CEP78: variants seen among roughly 807,000 people sequenced by gnomAD.
The protein encoded by CEP78 is centrosomal protein of 78 kDa.
In CEP78, 76 loss-of-function variants were observed where a neutral mutation model predicts 81.2. That is an observed-to-expected ratio of 0.94 (90% CI 0.78 to 1.13). The LOEUF (loss-of-function observed/expected upper bound fraction) is 1.13. Among genes scored for constraint, CEP78 ranks in the 50% most tolerant of loss-of-function variants. CEP78 has a pLI of 0.00. For synonymous variants in CEP78, 293 were observed against 301.4 expected, an observed-to-expected ratio of 0.97 and a Z score of 0.29; for missense variants, 918 against 846.8, an observed-to-expected ratio of 1.08 and a Z score of -1.04.
At chr9:78,241,577 A>G (rs1046253118) in intron 3 of CEP78, 119 bp from the exon 4 acceptor site, 7 of 517,112 alleles carry the variant, frequency 1.4e-5, no homozygotes, top group Non-Finnish European at 2.1e-5. Flanking sequence ...GATTGTAAAT[A>G]GTGATTTTAA....
At chr9:78,244,878 TAGAA>T (rs1056492840) in intron 5 of CEP78, among the ~76,000 whole-genome samples, 2 of 152,214 alleles carry the variant, frequency 1.3e-5, no homozygotes, top group Non-Finnish European at 2.9e-5. Context: ...GGTAAATTCT[TAGAA>T]GGAGAGTTGC....
chr9:78,248,354 A>C lies in CEP78; in HGVS notation c.956A>C (p.Glu319Ala), dbSNP rs781777701. 1 of 1,554,650 alleles carries C rather than the reference A, an allele frequency of 6.4e-7. No individual in the cohort carries two copies. Among genetic ancestry groups the C allele is most frequent in the Non-Finnish European group, 8.9e-7 (1 of 1,126,240 alleles). ...VLQNGRSAKS[E>A]YQWITSPSVK... ...CAGAATGGAAGGAGTGCCAAATCAG[A>C]GGTATATCATGTTTTATTTCTCCAG... Residue 319 changes from glutamate (E) to alanine (A), a missense_variant and splice_region_variant, in exon 7 of 17, where the codon GAG becomes GCG. Glu to Ala is a moderately radical substitution (Grantham distance 107). Transcript: ENST00000643273.
chr9:78,258,312 A>C (rs193013282), intron 11 of CEP78, among the ~76,000 whole-genome samples: 32 of 152,322 alleles, frequency 2.1e-4, no homozygotes, highest in African/African-American at 7.5e-4. Context: ...TCTCTCAAAA[A>C]ACAAACAGCT....
chr9:78,266,840 G>A, intron 16 of CEP78, 137 bp downstream of exon 16: 1 of 1,453,714 alleles, frequency 6.9e-7, no homozygotes, highest in Non-Finnish European at 9.0e-7. Flanking sequence ...TTAAAAGTAG[G>A]TCTTTGAAAA....
intron 1 of CEP78, among the ~76,000 whole-genome samples, chr9:78,238,769 A>G (rs1826081057): frequency 6.6e-6 from 1 of 152,096 alleles, no homozygotes; most frequent in South Asian, 2.1e-4. Context: ...AATATCAGGA[A>G]CCAGGCCAGG....
chr9:78,257,292 G>C (rs1827081487), intron 11 of CEP78, among the ~76,000 whole-genome samples: 2 of 152,116 alleles, frequency 1.3e-5, no homozygotes, highest in Admixed American at 6.6e-5. Context: ...GAATTAGAAA[G>C]ATACCTCCAA....
In CEP78 at chr9:78,265,407, A is replaced by G. The variant is rs1447197729; in HGVS notation, c.1661A>G (p.Gln554Arg). The G allele has an allele frequency of 1.2e-6, 2 of 1,607,216 alleles. No homozygotes were observed. The highest frequency in any genetic ancestry group is 1.7e-6 in the Non-Finnish European group (2 of 1,177,090). The change falls in exon 14 of 17, where the codon CAG becomes CGG. Residue 554 changes from glutamine to arginine, a missense_variant. Transcript: ENST00000643273. Reference protein sequence around the residue: ...GQLATMAGIDQSDFQLLGHPQ... With the variant: ...GQLATMAGIDRSDFQLLGHPQ... ...CTTGCCACAATGGCTGGGATAGATC[A>G]GTCAGATTTTCAATTACTAGGTCAT... is the stretch of plus-strand genomic sequence containing the variant.
In CEP78 at chr9:78,248,318, A is replaced by G. The variant is rs565401483; in HGVS notation, c.920A>G (p.Lys307Arg). The G allele has an allele frequency of 2.5e-6, 4 of 1,581,464 alleles. No homozygotes were observed. Among genetic ancestry groups the G allele is most frequent in the Admixed American group, 1.7e-5 (1 of 59,974 alleles). The change falls in exon 7 of 17, where the codon AAA (lysine) becomes AGA (arginine). Residue 307 changes from lysine (K) to arginine (R), a missense_variant. Transcript: ENST00000643273. ...IDHSMMKAVI[K>R]KVLQNGRSAK... is the part of the protein sequence containing the mutation. ...CATTCTATGATGAAAGCAGTTATCA[A>G]AAAAGTCCTCCAGAATGGAAGGAGT...
chr9:78,240,781 A>G (rs983181956), intron 3 of CEP78, among the ~76,000 whole-genome samples: 13 of 152,114 alleles, frequency 8.5e-5, no homozygotes, highest in Admixed American at 3.3e-4. Flanking sequence ...TAACATGGTG[A>G]AACCCCATCT....
chr9:78,253,519 G>C (rs575810398), intron 10 of CEP78: 66 of 409,002 alleles, frequency 1.6e-4, no homozygotes, highest in Non-Finnish European at 2.9e-4. Flanking sequence ...CCACAAATCA[G>C]CTGTTGCCTC....
At chr9:78,241,859 T>C in intron 4 of CEP78, 60 bp downstream of exon 4, 1 of 947,410 alleles carries the variant, frequency 1.1e-6, no homozygotes, top group African/African-American at 1.6e-5. Context: ...CGTTAATATT[T>C]TGATACAAGA....
intron 6 of CEP78, among the ~76,000 whole-genome samples, chr9:78,247,715 C>G (rs545699511): frequency 6.6e-6 from 1 of 152,092 alleles, no homozygotes; most frequent in Admixed American, 6.6e-5. Flanking sequence ...AGTTAGGAGA[C>G]TCACACTGGT....
chr9:78,250,606 G>T (rs930675099), intron 8 of CEP78, among the ~76,000 whole-genome samples: 2 of 152,082 alleles, frequency 1.3e-5, no homozygotes, highest in Non-Finnish European at 2.9e-5. Flanking sequence ...GGGCGTGGCG[G>T]CGTGCACCTG....
At chr9:78,237,642 G>T (rs777361470) in intron 1 of CEP78, among the ~76,000 whole-genome samples, 15 of 152,148 alleles carry the variant, frequency 9.9e-5, no homozygotes, top group Non-Finnish European at 1.6e-4. Context: ...GAGGGTCCTC[G>T]TTTGTCCTGT....
rs187033948 is a variant in CEP78, at chr9:78,271,980, A to C, written c.*1129A>C. Reference sequence around the variant, plus strand: ...GAGTGCAGTGGTACAATCTCAGCTCACTGCAACCTCCTCGATCTCAGCTCA... The same window carrying C: ...GAGTGCAGTGGTACAATCTCAGCTCCCTGCAACCTCCTCGATCTCAGCTCA... On this transcript the variant is annotated 3_prime_UTR_variant, in exon 17 of 17. Transcript: ENST00000643273. 1 of 151,746 alleles carries C rather than the reference A, an allele frequency of 6.6e-6. No homozygotes were observed. The highest frequency in any genetic ancestry group is 2.4e-5 in the African/African-American group (1 of 41,292). 9.4% of individuals were successfully genotyped at this position (151,746 alleles called of 1,614,324 possible).
chr9:78,252,683 A>G (rs1243751954), intron 9 of CEP78, among the ~76,000 whole-genome samples: 2 of 152,222 alleles, frequency 1.3e-5, no homozygotes, highest in Non-Finnish European at 2.9e-5. Context: ...TAAGAAAACA[A>G]AGAGGATTGA....
chr9:78,248,407 T>G (rs1826598957), intron 7 of CEP78, 52 bp downstream of exon 7: 6 of 1,183,698 alleles, frequency 5.1e-6, no homozygotes, highest in Non-Finnish European at 7.6e-6. Flanking sequence ...TTGCTTTTCT[T>G]CTGGGATCTC....
rs1827766161 is a variant in CEP78 at position 78,274,697 on chromosome 9, A to G, written c.*3846A>G. 6.6e-6 allele frequency: 1 copy of G among 152,198 alleles called. No homozygotes were observed. The highest frequency in any genetic ancestry group is 2.1e-4 in the South Asian group (1 of 4,834). The allele number at this position is 152,198 out of a possible 1,614,324, so 9.4% of individuals were successfully genotyped here. ...CAGATCATGTGCTCTGTATAATGTAATAATAGTAACAAAAGGCCTGTCCAC... is the reference window on the plus strand; with the variant it reads ...CAGATCATGTGCTCTGTATAATGTAGTAATAGTAACAAAAGGCCTGTCCAC... On this transcript the variant is annotated 3_prime_UTR_variant, in exon 17 of 17. Transcript: ENST00000643273.
intron 5 of CEP78, among the ~76,000 whole-genome samples, chr9:78,245,773 C>T (rs933247766): frequency 1.3e-5 from 2 of 152,092 alleles, no homozygotes; most frequent in African/African-American, 4.8e-5. Flanking sequence ...ATTATTTTTT[C>T]ATGATAGGTT....
Sources: allele counts gnomAD v4.1 joint callset (sites outside exome capture counted in the v4.1 genomes callset), GRCh38; gene constraint gnomAD v4.1.1; transcripts MANE v1.5; gene names NCBI Gene and HGNC (gene_info 2026-07-23, HGNC 2026-07-21).